Variants in IQCM observed in about 807,000 individuals in gnomAD.
IQCM encodes the protein IQ motif containing M.
A neutral mutation model predicts 57.6 loss-of-function variants in IQCM; 45 were observed. The ratio of observed to expected loss-of-function variants is 0.78; its 90% CI spans 0.62 to 1.00. The LOEUF is 1.00. Ranked by LOEUF, IQCM falls within the 50% of genes least tolerant of loss-of-function variation. IQCM has a pLI of 0.00. For missense variants in IQCM, 468 were observed against 511.6 expected (o/e 0.91, Z 0.82); for synonymous variants, 148 against 158.9 (o/e 0.93, Z 0.51).
chr4:149,433,773 A>G (rs1005249973), intron 12 of IQCM, among the ~76,000 whole-genome samples: 1 of 152,038 alleles, frequency 6.6e-6, no homozygotes, highest in Non-Finnish European at 1.5e-5. Flanking sequence ...ACCGTCTTAA[A>G]CCACTATCAG....
At chr4:149,363,205 A>G (rs2110930317) in intron 13 of IQCM, among the ~76,000 whole-genome samples, 1 of 152,270 alleles carries the variant, frequency 6.6e-6, no homozygotes, top group South Asian at 2.1e-4. Context: ...CTGCAGGTTG[A>G]CTTGACTCCT....
At chr4:149,482,831 CA>C (rs1484857678) in intron 12 of IQCM, among the ~76,000 whole-genome samples, 1 of 150,690 alleles carries the variant, frequency 6.6e-6, no homozygotes, top group Non-Finnish European at 1.5e-5. Context: ...TTTTTCATAA[CA>C]GTTTGAGTAG....
intron 12 of IQCM, among the ~76,000 whole-genome samples, chr4:149,534,066 A>G (rs1277445191): frequency 6.6e-6 from 1 of 152,164 alleles, no homozygotes; most frequent in Non-Finnish European, 1.5e-5. Flanking sequence ...GTGATGTTAT[A>G]TTGATTATCC....
chr4:149,465,622 A>G (rs1738773970), intron 12 of IQCM, among the ~76,000 whole-genome samples: 1 of 152,158 alleles, frequency 6.6e-6, no homozygotes, highest in Non-Finnish European at 1.5e-5. Flanking sequence ...TTTTGAGGGG[A>G]GAAAGAAAAT....
At chr4:149,799,170 C>G (rs1298705277) in intron 2 of IQCM, among the ~76,000 whole-genome samples, 3 of 150,528 alleles carry the variant, frequency 2.0e-5, no homozygotes, top group Non-Finnish European at 4.4e-5. Context: ...TGGAAAAAAA[C>G]TAGAAATCAA....
intron 13 of IQCM, among the ~76,000 whole-genome samples, chr4:149,411,174 CT>C (rs1474608884): frequency 2.0e-5 from 3 of 152,062 alleles, no homozygotes; most frequent in African/African-American, 4.8e-5. Context: ...ATCCTCAATA[CT>C]TCACTTTCAA....
chr4:149,706,681 C>A (rs1352287023), intron 5 of IQCM, among the ~76,000 whole-genome samples: 1 of 151,928 alleles, frequency 6.6e-6, no homozygotes, highest in African/African-American at 2.4e-5. Context: ...TACCAATATC[C>A]TTTAATTCTT....
At chr4:149,540,595 A>C (rs1747754691) in intron 12 of IQCM, among the ~76,000 whole-genome samples, 2 of 152,148 alleles carry the variant, frequency 1.3e-5, no homozygotes, top group African/African-American at 2.4e-5. Flanking sequence ...AATCTTATGC[A>C]TGAAGCCTGA....
At position 149,506,781 on chromosome 4, in the gene IQCM, A is replaced by G. The variant is rs182833114; in HGVS notation, c.1228+41674T>C. Among the ~76,000 whole-genome samples the G allele has an allele frequency of 2.0e-3, 306 of 152,272 alleles. 4 individuals are homozygous for G. The highest frequency in any genetic ancestry group is 7.1e-3 in the African/African-American group (295 of 41,546). Reference sequence around the variant, plus strand: ...TAGAGGAACCAAGAAAAAATTCCCAATAACATCAGCCATTGCCTGGTTACC... The same window carrying G: ...TAGAGGAACCAAGAAAAAATTCCCAGTAACATCAGCCATTGCCTGGTTACC... On this transcript the variant is annotated intron_variant, in intron 12 of 13. Coordinates refer to ENST00000636793, the MANE Select transcript of IQCM (RefSeq NM_001363507.2).
intron 13 of IQCM, among the ~76,000 whole-genome samples, chr4:149,431,416 A>G (rs889973208): frequency 5.3e-5 from 8 of 151,920 alleles, no homozygotes; most frequent in African/African-American, 1.9e-4. Context: ...CCTATGACTA[A>G]TGACGGTACA....
At chr4:149,630,193 T>A (rs1757143358) in intron 7 of IQCM, among the ~76,000 whole-genome samples, 1 of 152,224 alleles carries the variant, frequency 6.6e-6, no homozygotes, top group African/African-American at 2.4e-5. Flanking sequence ...ATGCAGGGGC[T>A]ACTATCTGGC....
intron 5 of IQCM, among the ~76,000 whole-genome samples, chr4:149,702,328 A>ACACC (rs1371748861): frequency 1.3e-5 from 2 of 150,724 alleles, no homozygotes; most frequent in African/African-American, 2.5e-5. Flanking sequence ...ACACACACAC[A>ACACC]CACCCATAGC....
intron 9 of IQCM, among the ~76,000 whole-genome samples, chr4:149,572,662 G>T (rs1427322733): frequency 6.6e-6 from 1 of 151,888 alleles, no homozygotes; most frequent in Non-Finnish European, 1.5e-5. Flanking sequence ...CACAACCAGA[G>T]CGCCTTGAAG....
chr4:149,585,804 T>C (rs1752597440), intron 9 of IQCM, among the ~76,000 whole-genome samples: 2 of 151,838 alleles, frequency 1.3e-5, no homozygotes, highest in South Asian at 4.1e-4. Context: ...TGTTTTTTAC[T>C]TTCAGGACCT....
At chr4:149,517,927 G>A (rs935362950) in intron 12 of IQCM, among the ~76,000 whole-genome samples, 3 of 152,100 alleles carry the variant, frequency 2.0e-5, no homozygotes, top group East Asian at 1.9e-4. Flanking sequence ...GATTGTGTGA[G>A]TTAATACTAC....
chr4:149,456,848 T>C (rs1370869014), intron 12 of IQCM, among the ~76,000 whole-genome samples: 2 of 152,076 alleles, frequency 1.3e-5, no homozygotes, highest in Non-Finnish European at 2.9e-5. Context: ...TAGAATGTCC[T>C]GAACTCCATG....
chr4:149,519,890 A>G (rs1170093456), intron 12 of IQCM, among the ~76,000 whole-genome samples: 2 of 151,748 alleles, frequency 1.3e-5, no homozygotes, highest in East Asian at 3.9e-4. Flanking sequence ...CTGTAGTCCC[A>G]GCTACTCAGG....
intron 13 of IQCM, among the ~76,000 whole-genome samples, chr4:149,425,320 A>T (rs929650321): frequency 1.3e-5 from 2 of 152,014 alleles, no homozygotes; most frequent in Non-Finnish European, 2.9e-5. Context: ...AGCTCATGCC[A>T]TTGCAAAGAC....
intron 7 of IQCM, among the ~76,000 whole-genome samples, chr4:149,633,167 C>CAAAAAAA (rs71596216): frequency 8.7e-5 from 2 of 22,938 alleles, no homozygotes; most frequent in Middle Eastern, 0.038. Context: ...GACTCCGTCT[C>CAAAAAAA]AAAAAAAAAA....
Sources: allele counts gnomAD v4.1 joint callset (sites outside exome capture counted in the v4.1 genomes callset), GRCh38; gene constraint gnomAD v4.1.1; transcripts MANE v1.5; gene names NCBI Gene and HGNC (gene_info 2026-07-23, HGNC 2026-07-21).